The following TGFB2 variants were observed in gnomAD, a reference collection of about 807,000 sequenced individuals.
The protein encoded by TGFB2 is transforming growth factor beta 2, also known as transforming growth factor beta-2 proprotein.
TGFB2 carries 13 observed loss-of-function variants against 42.7 expected under a neutral mutation model. The ratio of observed to expected loss-of-function variants is 0.30; its 90% confidence interval spans 0.20 to 0.48. The LOEUF (loss-of-function observed/expected upper bound fraction) is 0.48. TGFB2 is among the 20% of genes least tolerant of loss of function. TGFB2 has a pLI of 0.99. For synonymous variants in TGFB2, 193 were observed against 193.6 expected (o/e 1.00, Z 0.03); for missense variants, 390 against 517.5 (o/e 0.75, Z 2.39).
Position 218,413,669 on chromosome 1 carries a change from G to A in TGFB2, c.510+8337G>A, listed in dbSNP as rs529179133. Among the ~76,000 whole-genome samples the A allele has an allele frequency of 1.2e-3, 185 of 152,270 alleles. 2 individuals are homozygous for A. The highest frequency in any genetic ancestry group is 4.2e-3 in the African/African-American group (176 of 41,538). On this transcript the variant is annotated intron_variant, in intron 2 of 6. Coordinates refer to ENST00000366930, the MANE Select transcript of TGFB2 (RefSeq NM_003238.6). ...TGACTCAACTTACTTTTGTTCATAC[G>A]TATGATATCAGGACACAATCCCGTT... is the stretch of plus-strand genomic sequence containing the variant.
intron 1 of TGFB2, among the ~76,000 whole-genome samples, chr1:218,356,842 C>T (rs1354180399): frequency 6.6e-6 from 1 of 152,204 alleles, no homozygotes; most frequent in Non-Finnish European, 1.5e-5. Flanking sequence ...AAGCACTGGC[C>T]ACAGCCGCCT....
At chr1:218,416,542 A>C (rs1659287184) in intron 2 of TGFB2, among the ~76,000 whole-genome samples, 1 of 152,226 alleles carries the variant, frequency 6.6e-6, no homozygotes, top group African/African-American at 2.4e-5. Flanking sequence ...TCTATGGAAG[A>C]GGAAAATGAT....
intron 1 of TGFB2, among the ~76,000 whole-genome samples, chr1:218,370,055 T>C (rs1657521653): frequency 6.6e-6 from 1 of 152,180 alleles, no homozygotes; most frequent in African/African-American, 2.4e-5. Context: ...GTAAGAAAAC[T>C]GCATAGATCC....
intron 2 of TGFB2, among the ~76,000 whole-genome samples, chr1:218,432,937 A>T (rs749241154): frequency 4.6e-5 from 7 of 152,252 alleles, no homozygotes; most frequent in Non-Finnish European, 8.8e-5. Context: ...TCCTAAAACC[A>T]CTATCATTTC....
chr1:218,354,579 C>T (rs1656972945), intron 1 of TGFB2, among the ~76,000 whole-genome samples: 1 of 152,180 alleles, frequency 6.6e-6, no homozygotes, highest in Non-Finnish European at 1.5e-5. Context: ...GTCCCTTTGA[C>T]AGCTGAGGAA....
At chr1:218,358,594 G>T (rs896443857) in intron 1 of TGFB2, among the ~76,000 whole-genome samples, 2 of 149,184 alleles carry the variant, frequency 1.3e-5, no homozygotes, top group African/African-American at 5.0e-5. Flanking sequence ...CGTCACCTAG[G>T]CTGGAGTGCA....
In TGFB2 at chr1:218,415,335, G is replaced by A. The variant is rs138344005; in HGVS notation, c.510+10003G>A. 1.7e-3 allele frequency among the ~76,000 whole-genome samples: 258 copies of A among 152,240 alleles called. 2 individuals are homozygous for A. The highest frequency in any genetic ancestry group is 6.1e-3 in the African/African-American group (252 of 41,544). The stretch of plus-strand genomic sequence containing the variant: ...TCTGGGTTCTTGGTTGCTGTCCCAG[G>A]AGTTTGCTTCAGGGTCTCCTTCAAG... On this transcript the variant is annotated intron_variant, in intron 2 of 6. Transcript: ENST00000366930.
At position 218,350,519 on chromosome 1, in the gene TGFB2, T is replaced by C. The variant is rs186116951; in HGVS notation, c.346+3472T>C. Among the ~76,000 whole-genome samples the C allele has an allele frequency of 3.7e-3, 566 of 152,332 alleles. 1 individual carries two copies. Among genetic ancestry groups the C allele is most frequent in the Non-Finnish European group, 6.2e-3 (423 of 68,026 alleles). On this transcript the variant is annotated intron_variant, in intron 1 of 6. Coordinates refer to ENST00000366930, the MANE Select transcript of TGFB2 (RefSeq NM_003238.6). ...GCCTCTGTTGAGGAGCCCTGGTATT[T>C]GTTGGGGGTTACTGAATTCTGTTAA...
chr1:218,347,117 T>C (rs1656712945), intron 1 of TGFB2, 70 bp downstream of exon 1: 1 of 1,420,356 alleles, frequency 7.0e-7, no homozygotes, highest in East Asian at 2.5e-5. Context: ...CCGCAGCAGC[T>C]CCCGGGATCG....
chr1:218,435,324 A>T (rs1045095827), intron 4 of TGFB2, among the ~76,000 whole-genome samples: 1 of 152,186 alleles, frequency 6.6e-6, no homozygotes, highest in Non-Finnish European at 1.5e-5. Context: ...TGGAGATTAA[A>T]TGCTTAAACT....
At chr1:218,422,937 G>T (rs1571890890) in intron 2 of TGFB2, among the ~76,000 whole-genome samples, 1 of 152,260 alleles carries the variant, frequency 6.6e-6, no homozygotes, top group Non-Finnish European at 1.5e-5. Flanking sequence ...ATGAATGAAT[G>T]ACTGAACAAA....
intron 1 of TGFB2, among the ~76,000 whole-genome samples, chr1:218,376,208 T>C (rs1657736374): frequency 6.6e-6 from 1 of 152,160 alleles, no homozygotes; most frequent in South Asian, 2.1e-4. Flanking sequence ...TTGTTAGAAG[T>C]GAATAAGGCA....
rs2796815 is a variant in TGFB2 at position 218,382,752 on chromosome 1, G to A, written c.347-22417G>A. Reference sequence around the variant, plus strand: ...TGGAGTGATTTGCTTGTGATGAATCGGCCAGTCTCTGGGTAAAAAAGTCAG... The same window carrying A: ...TGGAGTGATTTGCTTGTGATGAATCAGCCAGTCTCTGGGTAAAAAAGTCAG... On this transcript the variant is annotated intron_variant, in intron 1 of 6. Coordinates refer to ENST00000366930, the MANE Select transcript of TGFB2 (RefSeq NM_003238.6). Among the ~76,000 whole-genome samples the A allele has an allele frequency of 9.8e-3, 1,492 of 152,132 alleles. 26 individuals carry two copies. The highest frequency in any genetic ancestry group is 0.034 in the African/African-American group (1,410 of 41,472).
At chr1:218,393,038 G>A (rs766251489) in intron 1 of TGFB2, among the ~76,000 whole-genome samples, 1 of 152,156 alleles carries the variant, frequency 6.6e-6, no homozygotes, top group Middle Eastern at 3.2e-3. Context: ...CACAGTACAA[G>A]ACATGCATTG....
chr1:218,354,013 T>A (rs1170847356), intron 1 of TGFB2, among the ~76,000 whole-genome samples: 1 of 152,244 alleles, frequency 6.6e-6, no homozygotes, highest in Non-Finnish European at 1.5e-5. Context: ...ACTATACTGA[T>A]GGTTATCTCT....
At chr1:218,402,093 C>G (rs535246866) in intron 1 of TGFB2, among the ~76,000 whole-genome samples, 47 of 152,346 alleles carry the variant, frequency 3.1e-4, no homozygotes, top group Non-Finnish European at 4.6e-4. Context: ...TTACCACACT[C>G]TCGTATGCTG....
At chr1:218,377,724 G>C (rs1206846269) in intron 1 of TGFB2, among the ~76,000 whole-genome samples, 1 of 151,792 alleles carries the variant, frequency 6.6e-6, no homozygotes, top group Non-Finnish European at 1.5e-5. Context: ...TATACCCTGG[G>C]TAGCTGTGGC....
chr1:218,365,891 A>G (rs1464935962), intron 1 of TGFB2, among the ~76,000 whole-genome samples: 1 of 152,148 alleles, frequency 6.6e-6, no homozygotes, highest in African/African-American at 2.4e-5. Context: ...GAGCGGCTGA[A>G]GTGAGCGTGA....
chr1:218,371,756 T>C (rs1169083337), intron 1 of TGFB2, among the ~76,000 whole-genome samples: 2 of 152,238 alleles, frequency 1.3e-5, no homozygotes, highest in African/African-American at 4.8e-5. Context: ...CATGAGGTTC[T>C]GTAGATGTTT....
Sources: gnomAD v4.1 joint callset for allele counts (sites outside exome capture counted in the v4.1 genomes callset) on GRCh38, gnomAD v4.1.1 for gene constraint, MANE v1.5 for transcripts, NCBI Gene and HGNC (gene_info 2026-07-23, HGNC 2026-07-21) for gene names.